Variants in CHCHD6 observed in about 807,000 individuals in gnomAD.
CHCHD6 encodes the protein coiled-coil-helix-coiled-coil-helix domain containing 6.
A neutral mutation model predicts 32.3 loss-of-function variants in CHCHD6; 28 were observed. That is an observed-to-expected ratio of 0.87 (90% CI 0.64 to 1.19). The LOEUF is 1.19. Among genes scored for constraint, CHCHD6 ranks in the 50% most tolerant of loss-of-function variants. CHCHD6 has a pLI of 0.00. For synonymous variants in CHCHD6, 122 were observed against 117.5 expected, an observed-to-expected ratio of 1.04 and a Z score of -0.25; for missense variants, 333 against 307.0, an observed-to-expected ratio of 1.08 and a Z score of -0.63.
At chr3:126,803,899 A>G (rs1939214195) in intron 4 of CHCHD6, among the ~76,000 whole-genome samples, 1 of 152,268 alleles carries the variant, frequency 6.6e-6, no homozygotes, top group African/African-American at 2.4e-5. Flanking sequence ...AGAACTCAGG[A>G]TTAAGAAACT....
intron 4 of CHCHD6, among the ~76,000 whole-genome samples, chr3:126,760,820 C>A (rs1937133239): frequency 6.6e-6 from 1 of 151,888 alleles, no homozygotes; most frequent in Non-Finnish European, 1.5e-5. Context: ...CTCTTCAAGA[C>A]CCTGCTTTCA....
chr3:126,944,791 T>C (rs2078611394), intron 6 of CHCHD6, among the ~76,000 whole-genome samples: 1 of 152,204 alleles, frequency 6.6e-6, no homozygotes, highest in Admixed American at 6.5e-5. Context: ...AGAGTGTTCC[T>C]GAAATCTGGG....
At chr3:126,766,611 C>T in intron 4 of CHCHD6, 2 of 1,115,812 alleles carry the variant, frequency 1.8e-6, no homozygotes, top group East Asian at 2.4e-5. Flanking sequence ...GGTCCCTTAG[C>T]CCAGTTCCCC....
intron 6 of CHCHD6, among the ~76,000 whole-genome samples, chr3:126,938,145 T>A (rs2078508962): frequency 6.6e-6 from 1 of 152,208 alleles, no homozygotes. Flanking sequence ...TATGACAGAA[T>A]CCATTTCCAT....
At chr3:126,739,062 C>T (rs1327572613) in intron 4 of CHCHD6, among the ~76,000 whole-genome samples, 1 of 152,144 alleles carries the variant, frequency 6.6e-6, no homozygotes, top group Non-Finnish European at 1.5e-5. Context: ...TGGCCTTGTC[C>T]CTTATACCTC....
chr3:126,908,604 A>G (rs1395798323), intron 5 of CHCHD6, among the ~76,000 whole-genome samples: 2 of 152,094 alleles, frequency 1.3e-5, no homozygotes, highest in Non-Finnish European at 1.5e-5. Flanking sequence ...TAGGTTAGTG[A>G]ACAAAACAAG....
chr3:126,904,726 TAG>T (rs1040039215), intron 5 of CHCHD6, among the ~76,000 whole-genome samples: 2 of 152,196 alleles, frequency 1.3e-5, no homozygotes, highest in Admixed American at 6.5e-5. Flanking sequence ...GAGAATGACA[TAG>T]AGCGATCTTT....
At chr3:126,946,318 G>A (rs1336923767) in intron 6 of CHCHD6, among the ~76,000 whole-genome samples, 4 of 152,196 alleles carry the variant, frequency 2.6e-5, no homozygotes, top group Non-Finnish European at 5.9e-5. Flanking sequence ...TCCTCTTAGG[G>A]AAAGTGTGCA....
intron 4 of CHCHD6, among the ~76,000 whole-genome samples, chr3:126,752,901 C>T (rs1346433790): frequency 3.3e-5 from 5 of 152,132 alleles, no homozygotes; most frequent in Non-Finnish European, 5.9e-5. Flanking sequence ...TGGGCTGGGG[C>T]ATTGACTCCT....
At chr3:126,897,934 C>T (rs1427907009) in intron 5 of CHCHD6, among the ~76,000 whole-genome samples, 1 of 152,210 alleles carries the variant, frequency 6.6e-6, no homozygotes, top group African/African-American at 2.4e-5. Context: ...ATGAGTCTTT[C>T]AGCCTCAGTC....
intron 4 of CHCHD6, among the ~76,000 whole-genome samples, chr3:126,771,486 G>A (rs1366829429): frequency 6.6e-6 from 1 of 152,084 alleles, no homozygotes; most frequent in Non-Finnish European, 1.5e-5. Context: ...TGGGCTTACA[G>A]GCATGAACCA....
chr3:126,789,582 T>G (rs1470408181), intron 4 of CHCHD6, among the ~76,000 whole-genome samples: 1 of 152,236 alleles, frequency 6.6e-6, no homozygotes, highest in Non-Finnish European at 1.5e-5. Flanking sequence ...TGTAATGGCC[T>G]TCTTTGTCTC....
At chr3:126,772,012 TG>T (rs57673121) in intron 4 of CHCHD6, among the ~76,000 whole-genome samples, 8,763 of 152,244 alleles carry the variant, frequency 0.058, 792 homozygotes, top group African/African-American at 0.19. Context: ...TGAGTATCTT[TG>T]TTAATTGTCT....
intron 4 of CHCHD6, among the ~76,000 whole-genome samples, chr3:126,795,917 G>A (rs969099789): frequency 6.6e-6 from 1 of 152,156 alleles, no homozygotes; most frequent in Non-Finnish European, 1.5e-5. Context: ...AGGAGAATGG[G>A]TATGTGTTGG....
chr3:126,950,159 T>C (rs2107607351), intron 6 of CHCHD6, among the ~76,000 whole-genome samples: 1 of 152,122 alleles, frequency 6.6e-6, no homozygotes. Flanking sequence ...AGGATTGTCA[T>C]GGATGGAAGT....
chr3:126,753,059 A>T (rs981912965), intron 4 of CHCHD6, among the ~76,000 whole-genome samples: 1 of 152,114 alleles, frequency 6.6e-6, no homozygotes. Flanking sequence ...TCCTTGCACT[A>T]GTCCTTCTCT....
chr3:126,798,812 C>A (rs1273401817), intron 4 of CHCHD6, among the ~76,000 whole-genome samples: 1 of 152,244 alleles, frequency 6.6e-6, no homozygotes, highest in Non-Finnish European at 1.5e-5. Context: ...TTGCCTCTCA[C>A]TCCATGTGGG....
chr3:126,745,669 T>C (rs1452058566), intron 4 of CHCHD6, among the ~76,000 whole-genome samples: 1 of 152,226 alleles, frequency 6.6e-6, no homozygotes, highest in Non-Finnish European at 1.5e-5. Context: ...CCACCTGGGT[T>C]GGCTTCAGGC....
chr3:126,778,101 T>G (rs1022271781), intron 4 of CHCHD6, among the ~76,000 whole-genome samples: 10 of 152,370 alleles, frequency 6.6e-5, no homozygotes, highest in African/African-American at 1.9e-4. Context: ...CATGTATTAG[T>G]ACTTCATTTC....
Sources: gnomAD v4.1 joint callset for allele counts (sites outside exome capture counted in the v4.1 genomes callset) on GRCh38, gnomAD v4.1.1 for gene constraint, MANE v1.5 for transcripts, NCBI Gene and HGNC (gene_info 2026-07-23, HGNC 2026-07-21) for gene names.